USP7: variants seen among roughly 807,000 people sequenced by gnomAD.
The protein encoded by USP7 is ubiquitin C-terminal hydrolase 7.
Under a neutral mutation model 162.9 loss-of-function variants are expected in USP7, and 9 were observed. That is an observed-to-expected ratio of 0.06 (90% CI 0.03 to 0.10). The LOEUF (loss-of-function observed/expected upper bound fraction) is 0.10, where lower values mean the gene tolerates loss of function less well. Among genes scored for constraint, USP7 ranks in the 10% least tolerant of loss-of-function variants. The pLI is 1.00. For missense variants in USP7, 715 were observed against 1,373.7 expected (o/e 0.52, Z 7.58); for synonymous variants, 562 against 475.9 (o/e 1.18, Z -2.35).
At chr16:8,906,608 T>A in intron 12 of USP7, 26 bp from the exon 13 acceptor site, 3 of 1,602,592 alleles carry the variant, frequency 1.9e-6, no homozygotes, top group Non-Finnish European at 2.6e-6. Flanking sequence ...TTAAAAGAAA[T>A]TCAGTATTAA....
At chr16:8,901,945 G>T in intron 18 of USP7, 137 bp downstream of exon 18, 2 of 739,796 alleles carry the variant, frequency 2.7e-6, no homozygotes, top group Non-Finnish European at 4.4e-6. Flanking sequence ...TCATCAGGAA[G>T]TCTAGTGAGC....
At chr16:8,909,883 G>A (rs149465351) in intron 11 of USP7, among the ~76,000 whole-genome samples, 237 of 152,166 alleles carry the variant, frequency 1.6e-3, no homozygotes, top group African/African-American at 5.3e-3. Flanking sequence ...TCGAGATCGC[G>A]CCACTGCACT....
At chr16:8,905,418 G>A (rs1412878584) in intron 13 of USP7, 87 bp from the exon 14 acceptor site, 5 of 1,513,472 alleles carry the variant, frequency 3.3e-6, no homozygotes, top group Non-Finnish European at 4.6e-6. Flanking sequence ...TAAAATGTGT[G>A]AACTTCTAGG....
chr16:8,919,505 A>C (rs1354298737), intron 5 of USP7, among the ~76,000 whole-genome samples: 1 of 152,096 alleles, frequency 6.6e-6, no homozygotes, highest in Non-Finnish European at 1.5e-5. Context: ...CACAACGTGG[A>C]AAAAGCTGAA....
At chr16:8,895,273 A>G in intron 27 of USP7, 123 bp from the exon 28 acceptor site, 1 of 1,463,814 alleles carries the variant, frequency 6.8e-7, no homozygotes, top group Non-Finnish European at 9.3e-7. Flanking sequence ...AAAAAACGCC[A>G]CACCTGGATC....
chr16:8,921,660 G>T (rs1235931697), intron 3 of USP7, among the ~76,000 whole-genome samples: 1 of 152,088 alleles, frequency 6.6e-6, no homozygotes, highest in Non-Finnish European at 1.5e-5. Flanking sequence ...TGCCTCTCGA[G>T]CTCTCCTAGG....
intron 1 of USP7, chr16:8,962,961 C>G (rs1381291236): frequency 4.6e-6 from 1 of 218,208 alleles, no homozygotes; most frequent in East Asian, 9.5e-5. Flanking sequence ...CGCTTTGTGC[C>G]GCGGAGGCCC....
At chr16:8,932,202 G>C (rs1187105267) in intron 1 of USP7, among the ~76,000 whole-genome samples, 1 of 152,152 alleles carries the variant, frequency 6.6e-6, no homozygotes, top group East Asian at 1.9e-4. Context: ...TTACCACTCA[G>C]ACGTTTAAGA....
chr16:8,925,013 T>G (rs1897912285), intron 2 of USP7, among the ~76,000 whole-genome samples: 2 of 152,206 alleles, frequency 1.3e-5, no homozygotes, highest in South Asian at 2.1e-4. Flanking sequence ...AGAAACTTGT[T>G]TAAGATAATA....
chr16:8,943,298 G>T (rs1463849431), intron 1 of USP7, among the ~76,000 whole-genome samples: 3 of 151,280 alleles, frequency 2.0e-5, no homozygotes, highest in Non-Finnish European at 4.4e-5. Flanking sequence ...TTAATATACA[G>T]CACAAGTAAA....
At chr16:8,936,212 T>G (rs1898712996) in intron 1 of USP7, among the ~76,000 whole-genome samples, 1 of 152,082 alleles carries the variant, frequency 6.6e-6, no homozygotes, top group Non-Finnish European at 1.5e-5. Context: ...AACAACCTAG[T>G]GATCAAAACT....
intron 2 of USP7, among the ~76,000 whole-genome samples, chr16:8,928,491 A>G (rs906516047): frequency 2.6e-5 from 4 of 152,230 alleles, no homozygotes. Context: ...CCAACTTCCT[A>G]GAATCCTGTG....
chr16:8,913,665 A>C (rs1009914837), intron 10 of USP7, among the ~76,000 whole-genome samples: 1 of 152,094 alleles, frequency 6.6e-6, no homozygotes, highest in Non-Finnish European at 1.5e-5. Context: ...CCTAACGAGA[A>C]TCCATATCCA....
intron 1 of USP7, among the ~76,000 whole-genome samples, chr16:8,950,119 G>A (rs1406084677): frequency 6.6e-6 from 1 of 152,198 alleles, no homozygotes; most frequent in African/African-American, 2.4e-5. Context: ...ATAGCCACAT[G>A]TACTTATTGA....
rs377095645 is a variant in USP7 at position 8,894,128 on chromosome 16, G to C, written c.3203-24C>G. On this transcript the variant is annotated intron_variant, in intron 30 of 30. Transcript: ENST00000344836. ...ACCTGGTGGGGATGAAGAAAAGCAA[G>C]TGAGGCCACAGAGCAGCCCTGGAAC... 1.3e-5 allele frequency: 21 copies of C among 1,606,028 alleles called. No homozygotes were observed. In the African/African-American group the frequency reaches 2.3e-4, roughly 17 times the overall value.
Position 8,903,507 on chromosome 16 carries a change from C to A in USP7, c.1705-105G>T, listed in dbSNP as rs2061810755. The A allele has an allele frequency of 6.8e-6, 9 of 1,330,930 alleles. 1 individual carries two copies. In the South Asian group the frequency reaches 1.5e-4, roughly 23 times the overall value. The allele number at this position is 1,330,930 out of a possible 1,614,324, so 82.4% of individuals were successfully genotyped here. A position where few individuals can be genotyped will look rare whatever the true frequency, so the allele number is the denominator to read the frequency against. On this transcript the variant is annotated intron_variant, in intron 15 of 30. Transcript: ENST00000344836. ...AAACGCTGAAAACTCATTTTTTGTTCCAAAGAAACTTCTTCAGAAGACCAA... is the reference window on the plus strand; with the variant it reads ...AAACGCTGAAAACTCATTTTTTGTTACAAAGAAACTTCTTCAGAAGACCAA...
At chr16:8,905,093 A>G (rs2061839125) in intron 14 of USP7, 94 bp downstream of exon 14, 3 of 1,482,742 alleles carry the variant, frequency 2.0e-6, no homozygotes, top group Admixed American at 1.7e-5. Flanking sequence ...ATAAGCATAA[A>G]ATGTGTTTGG....
chr16:8,897,726 A>AAATATATATAT lies in USP7; in HGVS notation c.2719-628_2719-627insATATATATATT, dbSNP rs1555461671. ...AAAAAAAAAAAAAAAAAAAAAAAAA[A>AAATATATATAT]ATATATATATATATATATATAAATG... On this transcript the variant is annotated intron_variant, in intron 25 of 30. Transcript: ENST00000344836. Among the ~76,000 whole-genome samples, 28 of 7,144 alleles carry AAATATATATAT rather than the reference A, an allele frequency of 3.9e-3. 1 individual carries two copies. The highest frequency in any genetic ancestry group is 5.1e-3 in the Non-Finnish European group (22 of 4,288). The allele number at this position is 7,144 out of a possible 152,430, so 4.7% of individuals were successfully genotyped here. A position where few individuals can be genotyped will look rare whatever the true frequency, so the allele number is the denominator to read the frequency against.
intron 1 of USP7, among the ~76,000 whole-genome samples, chr16:8,960,796 C>T (rs1899976232): frequency 6.6e-6 from 1 of 152,224 alleles, no homozygotes; most frequent in Non-Finnish European, 1.5e-5. Context: ...AATCGTAAGG[C>T]TAGTACCACA....
Sources: gnomAD v4.1 joint callset for allele counts (sites outside exome capture counted in the v4.1 genomes callset) on GRCh38, gnomAD v4.1.1 for gene constraint, MANE v1.5 for transcripts, NCBI Gene and HGNC (gene_info 2026-07-23, HGNC 2026-07-21) for gene names.